LYPLAL1: variants seen among roughly 807,000 people sequenced by gnomAD.
The protein encoded by LYPLAL1 is lysophospholipase like 1.
LYPLAL1 carries 23 observed loss-of-function variants against 19.7 expected under a neutral mutation model. The ratio of observed to expected loss-of-function variants is 1.17; its 90% CI spans 0.84 to 1.65. LYPLAL1 has a LOEUF of 1.65. Ranked by LOEUF, LYPLAL1 falls within the 40% of genes most tolerant of loss-of-function variation. The pLI, the probability that LYPLAL1 is intolerant of heterozygous loss-of-function variation, is 0.00. For synonymous variants in LYPLAL1, 119 were observed against 96.3 expected (o/e 1.24, Z -1.38); for missense variants, 355 against 279.4 (o/e 1.27, Z -1.93).
At chr1:219,322,795 A>G in the LYPLAL1 span, among the ~76,000 whole-genome samples, 2 of 152,176 alleles carry the variant, frequency 1.3e-5, no homozygotes, top group African/African-American at 2.4e-5. Context: ...ATGAGCATCA[A>G]TGTGTGTTCA....
At chr1:219,392,037 C>A in the LYPLAL1 span, among the ~76,000 whole-genome samples, 1 of 151,984 alleles carries the variant, frequency 6.6e-6, no homozygotes, top group Non-Finnish European at 1.5e-5. Context: ...ATAAAGGTAC[C>A]TAGGGAGGCC....
chr1:219,355,401 A>G, the LYPLAL1 span, among the ~76,000 whole-genome samples: 1 of 152,246 alleles, frequency 6.6e-6, no homozygotes, highest in Non-Finnish European at 1.5e-5. Context: ...TAAAAAGGGA[A>G]CACTGAACAG....
chr1:219,323,485 T>C, the LYPLAL1 span, among the ~76,000 whole-genome samples: 1 of 152,042 alleles, frequency 6.6e-6, no homozygotes, highest in Non-Finnish European at 1.5e-5. Context: ...CCCCACAAGG[T>C]TGTTGATTGC....
the LYPLAL1 span, among the ~76,000 whole-genome samples, chr1:219,278,026 A>G: frequency 6.6e-6 from 1 of 152,296 alleles, no homozygotes; most frequent in Non-Finnish European, 1.5e-5. Flanking sequence ...ACCGATCACA[A>G]TTTCAAAAAT....
At chr1:219,261,852 C>G in the LYPLAL1 span, among the ~76,000 whole-genome samples, 4 of 152,118 alleles carry the variant, frequency 2.6e-5, no homozygotes, top group African/African-American at 9.7e-5. Context: ...CAATGAATTT[C>G]CCAGGTGTTC....
the LYPLAL1 span, among the ~76,000 whole-genome samples, chr1:219,358,232 A>C: frequency 6.6e-6 from 1 of 152,202 alleles, no homozygotes; most frequent in Non-Finnish European, 1.5e-5. Flanking sequence ...ATATTACAAA[A>C]TATGAAGTAA....
chr1:219,404,242 A>G, the LYPLAL1 span, among the ~76,000 whole-genome samples: 1 of 152,178 alleles, frequency 6.6e-6, no homozygotes, highest in African/African-American at 2.4e-5. Flanking sequence ...ATGCCATCAC[A>G]TTAAGGGGTT....
At chr1:219,210,054 T>A (rs1442675683) in intron 3 of LYPLAL1, among the ~76,000 whole-genome samples, 1 of 152,148 alleles carries the variant, frequency 6.6e-6, no homozygotes, top group Non-Finnish European at 1.5e-5. Context: ...ATTTTTTTTA[T>A]CATTCTTAAT....
chr1:219,270,218 G>A, the LYPLAL1 span, among the ~76,000 whole-genome samples: 3 of 152,222 alleles, frequency 2.0e-5, no homozygotes, highest in African/African-American at 7.2e-5. Flanking sequence ...GAGATTCATT[G>A]TCTTATGGCC....
intron 2 of LYPLAL1, among the ~76,000 whole-genome samples, chr1:219,181,231 C>G (rs1441835692): frequency 6.6e-6 from 1 of 152,076 alleles, no homozygotes; most frequent in South Asian, 2.1e-4. Flanking sequence ...ACACATCTTA[C>G]TTCTGATGCT....
chr1:219,342,371 C>T, the LYPLAL1 span, among the ~76,000 whole-genome samples: 1 of 152,022 alleles, frequency 6.6e-6, no homozygotes, highest in Non-Finnish European at 1.5e-5. Flanking sequence ...TTTGGGACCC[C>T]CTTAGCTCAA....
At chr1:219,298,296 T>C in the LYPLAL1 span, among the ~76,000 whole-genome samples, 2 of 152,084 alleles carry the variant, frequency 1.3e-5, no homozygotes, top group African/African-American at 4.8e-5. Context: ...GGTGCTGGAG[T>C]AAGACCCTGT....
the LYPLAL1 span, among the ~76,000 whole-genome samples, chr1:219,253,913 G>T: frequency 6.6e-6 from 1 of 152,044 alleles, no homozygotes. Flanking sequence ...GGTTGTTTAT[G>T]TTGCTTTGTA....
the LYPLAL1 span, among the ~76,000 whole-genome samples, chr1:219,229,337 G>GAGAGACACAC: frequency 7.7e-6 from 1 of 129,988 alleles, no homozygotes; most frequent in African/African-American, 2.8e-5. Flanking sequence ...GAGAGAGAGA[G>GAGAGACACAC]ACACGCAGGC....
chr1:219,228,384 G>T, the LYPLAL1 span, among the ~76,000 whole-genome samples: 1 of 150,984 alleles, frequency 6.6e-6, no homozygotes, highest in African/African-American at 2.4e-5. Flanking sequence ...CTAAAAGAAA[G>T]AAAAAAAAAG....
At chr1:219,210,495 T>G (rs776189289) in intron 3 of LYPLAL1, 37 bp from the exon 4 acceptor site, 1 of 733,502 alleles carries the variant, frequency 1.4e-6, no homozygotes, top group Non-Finnish European at 2.0e-6. Flanking sequence ...AATTATTATT[T>G]TATGTATTCT....
At chr1:219,395,592 C>T in the LYPLAL1 span, among the ~76,000 whole-genome samples, 1 of 152,268 alleles carries the variant, frequency 6.6e-6, no homozygotes, top group African/African-American at 2.4e-5. Context: ...TTGATGGTTT[C>T]TTTTACTGTG....
the LYPLAL1 span, among the ~76,000 whole-genome samples, chr1:219,342,226 G>A: frequency 6.6e-6 from 1 of 152,054 alleles, no homozygotes; most frequent in African/African-American, 2.4e-5. Context: ...TGACTTGTAA[G>A]CAGAGACACA....
chr1:219,197,189 G>C (rs1244843980), intron 3 of LYPLAL1, among the ~76,000 whole-genome samples: 2 of 152,104 alleles, frequency 1.3e-5, no homozygotes, highest in African/African-American at 4.8e-5. Flanking sequence ...TAAGCAAAAA[G>C]GACAAAGGTG....
Sources: gnomAD v4.1 joint callset for allele counts (sites outside exome capture counted in the v4.1 genomes callset) on GRCh38, gnomAD v4.1.1 for gene constraint, MANE v1.5 for transcripts, NCBI Gene and HGNC (gene_info 2026-07-23, HGNC 2026-07-21) for gene names.